Variants in SMYD3 observed in about 807,000 individuals in gnomAD.
SMYD3 encodes the protein histone-lysine N-methyltransferase SMYD3.
SMYD3 carries 36 observed loss-of-function variants against 57.7 expected under a neutral mutation model. The observed-to-expected ratio is 0.62, with a 90% CI of 0.48 to 0.82. The LOEUF (loss-of-function observed/expected upper bound fraction) is 0.82, where lower values mean the gene tolerates loss of function less well. Among genes scored for constraint, SMYD3 ranks in the 40% least tolerant of loss-of-function variants. SMYD3 has a pLI of 0.00. For synonymous variants in SMYD3, 211 were observed against 195.0 expected, an observed-to-expected ratio of 1.08 and a Z score of -0.68; for missense variants, 515 against 538.8, an observed-to-expected ratio of 0.96 and a Z score of 0.44.
At chr1:246,371,661 C>T (rs1345123814) in intron 1 of SMYD3, among the ~76,000 whole-genome samples, 1 of 152,144 alleles carries the variant, frequency 6.6e-6, no homozygotes. Context: ...TCATAACATA[C>T]TATGACGTAA....
intron 1 of SMYD3, among the ~76,000 whole-genome samples, chr1:246,460,589 C>T (rs573685645): frequency 5.3e-5 from 8 of 152,122 alleles, no homozygotes; most frequent in African/African-American, 1.9e-4. Context: ...TGAAAAATAC[C>T]AGTAGGCCCC....
At chr1:246,500,866 C>G (rs1047160023) in intron 1 of SMYD3, among the ~76,000 whole-genome samples, 1 of 152,286 alleles carries the variant, frequency 6.6e-6, no homozygotes, top group African/African-American at 2.4e-5. Context: ...GCCATAAAGC[C>G]CTTTCCCAAA....
intron 8 of SMYD3, among the ~76,000 whole-genome samples, chr1:245,895,496 G>A (rs1348168283): frequency 6.8e-6 from 1 of 146,680 alleles, no homozygotes; most frequent in African/African-American, 2.5e-5. Context: ...GCAAAATAGA[G>A]TAAGGCAGCA....
chr1:245,977,470 C>T (rs895515224), intron 5 of SMYD3, among the ~76,000 whole-genome samples: 4 of 152,076 alleles, frequency 2.6e-5, no homozygotes, highest in African/African-American at 4.8e-5. Context: ...CTTGAGGCCA[C>T]GAGCTTGAGA....
At chr1:246,173,262 C>T (rs2062374318) in intron 5 of SMYD3, among the ~76,000 whole-genome samples, 1 of 152,032 alleles carries the variant, frequency 6.6e-6, no homozygotes, top group Non-Finnish European at 1.5e-5. Context: ...CGGCCTAGAA[C>T]ACTCACTGTA....
rs549401520 is a variant in SMYD3, at chr1:246,334,315, C to A, written c.336+1052G>T. Among the ~76,000 whole-genome samples the A allele has an allele frequency of 1.5e-4, 23 of 152,162 alleles. No individual in the cohort carries two copies. The South Asian group carries it at 4.8e-3, about 32-fold the overall frequency. On this transcript the variant is annotated intron_variant, in intron 3 of 11. Transcript: ENST00000490107. ...CAAAGGCATGGAATCAATCTAGGTGCCCATTAACAGCACAATGGATAAAGA... is the reference window on the plus strand; with the variant it reads ...CAAAGGCATGGAATCAATCTAGGTGACCATTAACAGCACAATGGATAAAGA...
At chr1:246,034,794 C>T (rs942878386) in intron 5 of SMYD3, among the ~76,000 whole-genome samples, 2 of 152,100 alleles carry the variant, frequency 1.3e-5, no homozygotes, top group African/African-American at 2.4e-5. Context: ...TGGAGGACCG[C>T]GGCAATCCTT....
chr1:246,050,648 G>C (rs1392429970), intron 5 of SMYD3, among the ~76,000 whole-genome samples: 2 of 152,144 alleles, frequency 1.3e-5, no homozygotes, highest in Non-Finnish European at 2.9e-5. Flanking sequence ...TTTGTAAGCA[G>C]GTTAGAACTA....
chr1:246,355,738 A>G lies in SMYD3; in HGVS notation c.165-644T>C, dbSNP rs1415011438. ...AAGCAGCCATAATCACCCTGGGAAC[A>G]TAACTCCATTAGACTGAAAACCACA... is the stretch of plus-strand genomic sequence containing the variant. On this transcript the variant is annotated intron_variant, in intron 1 of 11. Coordinates refer to ENST00000490107, the MANE Select transcript of SMYD3 (RefSeq NM_001167740.2). The surrounding 1 kb of genome is among the most constrained non-coding windows in gnomAD (Gnocchi z 5.0). Among the ~76,000 whole-genome samples, 1 of 152,098 alleles carries G rather than the reference A, an allele frequency of 6.6e-6. No individual in the cohort carries two copies. Among genetic ancestry groups the G allele is most frequent in the Admixed American group, 6.6e-5 (1 of 15,266 alleles).
chr1:245,989,620 C>G (rs2058774543), intron 5 of SMYD3, among the ~76,000 whole-genome samples: 1 of 152,218 alleles, frequency 6.6e-6, no homozygotes, highest in Admixed American at 6.5e-5. Flanking sequence ...AGGCTTCTGC[C>G]TTAACCTTCT....
intron 10 of SMYD3, among the ~76,000 whole-genome samples, chr1:245,793,665 C>T (rs2047399113): frequency 6.6e-6 from 1 of 151,902 alleles, no homozygotes; most frequent in South Asian, 2.1e-4. Flanking sequence ...CTGCCCTCAC[C>T]TCTATGCTGT....
intron 1 of SMYD3, among the ~76,000 whole-genome samples, chr1:246,432,498 A>G (rs902844600): frequency 6.6e-6 from 1 of 152,196 alleles, no homozygotes; most frequent in African/African-American, 2.4e-5. Context: ...AAAATCCAAA[A>G]TATGTAATCT....
chr1:245,850,188 A>G (rs914927614), intron 10 of SMYD3, among the ~76,000 whole-genome samples: 13 of 152,176 alleles, frequency 8.5e-5, no homozygotes, highest in Non-Finnish European at 1.9e-4. Context: ...CACTAACTTC[A>G]TATTACAGGC....
At chr1:246,159,151 G>C (rs957058448) in intron 5 of SMYD3, among the ~76,000 whole-genome samples, 1 of 152,114 alleles carries the variant, frequency 6.6e-6, no homozygotes, top group Non-Finnish European at 1.5e-5. Flanking sequence ...CTAAAGTGCT[G>C]GGGGGAAAGC....
chr1:246,061,611 T>C (rs11579188), intron 5 of SMYD3, among the ~76,000 whole-genome samples: 69,517 of 151,700 alleles, frequency 0.46, 19,426 homozygotes, highest in Non-Finnish European at 0.63. Flanking sequence ...ATGCCTGTAG[T>C]TCCAGCTACT....
chr1:246,080,182 G>T (rs757821260), intron 5 of SMYD3, among the ~76,000 whole-genome samples: 1 of 137,786 alleles, frequency 7.3e-6, no homozygotes, highest in African/African-American at 2.8e-5. Context: ...CTGCGGACTG[G>T]TACTGGTCCA....
rs115899001 is a variant in SMYD3, at chr1:245,959,544, C to T, written c.532-29607G>A. ...TATAAAACAAAGGGTGAAAGGTAAGCTAGGGGGAGCTGACCAACTAGATGG... is the reference window on the plus strand; with the variant it reads ...TATAAAACAAAGGGTGAAAGGTAAGTTAGGGGGAGCTGACCAACTAGATGG... On this transcript the variant is annotated intron_variant, in intron 5 of 11. Coordinates refer to ENST00000490107, the MANE Select transcript of SMYD3 (RefSeq NM_001167740.2). 4.2e-3 allele frequency among the ~76,000 whole-genome samples: 632 copies of T among 152,216 alleles called. 3 individuals are homozygous for T. Among genetic ancestry groups the T allele is most frequent in the African/African-American group, 0.014 (575 of 41,540 alleles).
At chr1:245,912,382 A>G (rs1031378237) in intron 8 of SMYD3, among the ~76,000 whole-genome samples, 9 of 152,168 alleles carry the variant, frequency 5.9e-5, no homozygotes, top group African/African-American at 2.2e-4. Flanking sequence ...GGAAAGGCAT[A>G]CCATGCTCAT....
intron 5 of SMYD3, among the ~76,000 whole-genome samples, chr1:246,238,983 C>T (rs545007861): frequency 1.3e-5 from 2 of 149,706 alleles, no homozygotes; most frequent in East Asian, 2.0e-4. Flanking sequence ...GCCTGATGAG[C>T]GTCACACAAC....
Sources: allele counts gnomAD v4.1 joint callset (sites outside exome capture counted in the v4.1 genomes callset), GRCh38; gene constraint gnomAD v4.1.1; non-coding constraint Gnocchi (gnomAD v3.1); transcripts MANE v1.5; gene names NCBI Gene and HGNC (gene_info 2026-07-23, HGNC 2026-07-21).